Variants in GRM7 observed in about 807,000 individuals in gnomAD.
The protein encoded by GRM7 is glutamate metabotropic receptor 7.
A neutral mutation model predicts 84.5 loss-of-function variants in GRM7; 35 were observed. That is an observed-to-expected ratio of 0.41 (90% CI 0.32 to 0.55). The LOEUF (loss-of-function observed/expected upper bound fraction) is 0.55, where lower values mean the gene tolerates loss of function less well. Among genes scored for constraint, GRM7 ranks in the 20% least tolerant of loss-of-function variants. The probability of loss-of-function intolerance (pLI) is 0.19; values close to 1 mark genes in which losing one functional copy is unlikely to be tolerated. For synonymous variants in GRM7, 487 were observed against 455.1 expected (o/e 1.07, Z -0.89); for missense variants, 1,003 against 1,194.6 (o/e 0.84, Z 2.36).
At chr3:7,721,612 G>C (rs1701952383) in intron 9 of GRM7, among the ~76,000 whole-genome samples, 1 of 152,178 alleles carries the variant, frequency 6.6e-6, no homozygotes, top group Non-Finnish European at 1.5e-5. Flanking sequence ...CTAATCAGTA[G>C]ATATCCAATT....
intron 7 of GRM7, among the ~76,000 whole-genome samples, chr3:7,505,524 C>G (rs1324366255): frequency 6.6e-6 from 1 of 152,232 alleles, no homozygotes; most frequent in Non-Finnish European, 1.5e-5. Context: ...GTCTAGGCCC[C>G]TAGACTTTTG....
At chr3:7,702,982 A>G (rs1276318399) in intron 9 of GRM7, among the ~76,000 whole-genome samples, 2 of 152,148 alleles carry the variant, frequency 1.3e-5, no homozygotes, top group African/African-American at 2.4e-5. Flanking sequence ...TTCTATCTCT[A>G]TGGTTCTCAG....
intron 1 of GRM7, among the ~76,000 whole-genome samples, chr3:7,136,772 G>A (rs944689646): frequency 6.6e-6 from 1 of 152,036 alleles, no homozygotes; most frequent in African/African-American, 2.4e-5. Flanking sequence ...TTCCTATGCT[G>A]TTCCCAATAG....
intron 1 of GRM7, among the ~76,000 whole-genome samples, chr3:7,046,039 CTTACCTT>C (rs2124947721): frequency 6.6e-6 from 1 of 152,164 alleles, no homozygotes; most frequent in East Asian, 1.9e-4. Flanking sequence ...TTTGCCAGCA[CTTACCTT>C]TTGTTGCTAA....
chr3:7,498,183 T>A (rs889640591), intron 7 of GRM7, among the ~76,000 whole-genome samples: 1 of 151,010 alleles, frequency 6.6e-6, no homozygotes, highest in African/African-American at 2.4e-5. Context: ...CTTGCCTCCC[T>A]TTTTTTTTAT....
chr3:7,118,284 C>G (rs746252023), intron 1 of GRM7, among the ~76,000 whole-genome samples: 3 of 151,554 alleles, frequency 2.0e-5, no homozygotes, highest in Non-Finnish European at 2.9e-5. Context: ...CCAGTTACTC[C>G]GGAGGCTGAG....
chr3:6,952,225 A>C (rs956315558), intron 1 of GRM7, among the ~76,000 whole-genome samples: 2 of 152,164 alleles, frequency 1.3e-5, no homozygotes, highest in Non-Finnish European at 2.9e-5. Context: ...ATTCCCTACA[A>C]CCTAGGCCAG....
At chr3:7,249,530 T>C (rs1212512398) in intron 2 of GRM7, among the ~76,000 whole-genome samples, 1 of 152,210 alleles carries the variant, frequency 6.6e-6, no homozygotes, top group African/African-American at 2.4e-5. Context: ...TATATGATTT[T>C]TTGAAAATTC....
At chr3:7,554,592 T>C (rs1436447666) in intron 7 of GRM7, among the ~76,000 whole-genome samples, 1 of 152,224 alleles carries the variant, frequency 6.6e-6, no homozygotes, top group Non-Finnish European at 1.5e-5. Flanking sequence ...CTTAGCCTAA[T>C]AAAAGTTGAT....
chr3:7,187,601 G>A (rs975102081), intron 2 of GRM7, among the ~76,000 whole-genome samples: 12 of 151,540 alleles, frequency 7.9e-5, no homozygotes, highest in African/African-American at 2.5e-4. Context: ...TGCTCCTGCA[G>A]AGCAGGGCTA....
chr3:6,955,423 G>T (rs1692996046), intron 1 of GRM7, among the ~76,000 whole-genome samples: 1 of 151,964 alleles, frequency 6.6e-6, no homozygotes, highest in South Asian at 2.1e-4. Context: ...TGTAATCCCA[G>T]CTACTCAGGA....
intron 2 of GRM7, among the ~76,000 whole-genome samples, chr3:7,283,656 T>C (rs1393037983): frequency 1.3e-5 from 2 of 152,154 alleles, no homozygotes; most frequent in East Asian, 3.9e-4. Flanking sequence ...GGAGGCATTA[T>C]ACAGCACAAA....
At chr3:7,603,529 C>A (rs551718905) in intron 8 of GRM7, among the ~76,000 whole-genome samples, 1 of 152,094 alleles carries the variant, frequency 6.6e-6, no homozygotes, top group Non-Finnish European at 1.5e-5. Flanking sequence ...ATTGTGCAAG[C>A]TAGTTAAATT....
At chr3:7,383,150 T>C (rs1694654908) in intron 4 of GRM7, among the ~76,000 whole-genome samples, 1 of 152,350 alleles carries the variant, frequency 6.6e-6, no homozygotes, top group Non-Finnish European at 1.5e-5. Context: ...GGAAATATCG[T>C]ATTCTCTTCT....
intron 2 of GRM7, among the ~76,000 whole-genome samples, chr3:7,286,305 G>A (rs1306590452): frequency 1.3e-5 from 2 of 152,104 alleles, no homozygotes; most frequent in Admixed American, 6.6e-5. Flanking sequence ...TATTTGTCGG[G>A]CCAGTTGGTA....
intron 1 of GRM7, among the ~76,000 whole-genome samples, chr3:6,996,472 A>G (rs939376109): frequency 1.3e-5 from 2 of 152,240 alleles, no homozygotes; most frequent in African/African-American, 2.4e-5. Context: ...TTGTTATGTC[A>G]GTAAACTCCA....
intron 4 of GRM7, among the ~76,000 whole-genome samples, chr3:7,344,578 G>A (rs563999225): frequency 2.9e-4 from 44 of 152,168 alleles, no homozygotes; most frequent in African/African-American, 1.0e-3. Flanking sequence ...CAGATAATTT[G>A]CCCATTTAGT....
chr3:7,644,354 T>C (rs1698524555), intron 8 of GRM7, among the ~76,000 whole-genome samples: 1 of 152,216 alleles, frequency 6.6e-6, no homozygotes, highest in African/African-American at 2.4e-5. Flanking sequence ...ATAAACATAT[T>C]TCTACAACCA....
chr3:6,867,087 A>G (rs1295330952), intron 1 of GRM7, among the ~76,000 whole-genome samples: 3 of 152,188 alleles, frequency 2.0e-5, no homozygotes, highest in Admixed American at 1.3e-4. Flanking sequence ...ACATTCAACT[A>G]TATCTGAATC....
Sources: allele counts gnomAD v4.1 joint callset (sites outside exome capture counted in the v4.1 genomes callset), GRCh38; gene constraint gnomAD v4.1.1; transcripts MANE v1.5; gene names NCBI Gene and HGNC (gene_info 2026-07-23, HGNC 2026-07-21).